The following ANO2 variants were observed in gnomAD, a reference collection of about 807,000 sequenced individuals.
ANO2 encodes the protein anoctamin-2.
Under a neutral mutation model 124.2 loss-of-function variants are expected in ANO2, and 101 were observed. That is an observed-to-expected ratio of 0.81 (90% CI 0.69 to 0.96). The LOEUF is 0.96. Among genes scored for constraint, ANO2 ranks in the 40% least tolerant of loss-of-function variants. The pLI is 0.00. For synonymous variants in ANO2, 486 were observed against 482.5 expected (o/e 1.01, Z -0.09); for missense variants, 1,293 against 1,274.5 (o/e 1.01, Z -0.22).
At chr12:5,755,722 A>G (rs139669716) in intron 10 of ANO2, among the ~76,000 whole-genome samples, 204 of 152,292 alleles carry the variant, frequency 1.3e-3, no homozygotes, top group African/African-American at 4.8e-3. Flanking sequence ...ATGTCCCTAC[A>G]AAGGACATGA....
chr12:5,607,889 A>T (rs1944299086), intron 19 of ANO2, among the ~76,000 whole-genome samples: 1 of 152,202 alleles, frequency 6.6e-6, no homozygotes, highest in African/African-American at 2.4e-5. Context: ...GTAAGTTGTA[A>T]AATTATTTCA....
intron 10 of ANO2, among the ~76,000 whole-genome samples, chr12:5,759,465 T>A (rs1461581502): frequency 6.6e-6 from 1 of 151,904 alleles, no homozygotes; most frequent in Non-Finnish European, 1.5e-5. Flanking sequence ...CCTGTCCATG[T>A]CCAGTTAGGA....
intron 15 of ANO2, among the ~76,000 whole-genome samples, chr12:5,642,590 A>C (rs1946437786): frequency 6.6e-6 from 1 of 151,846 alleles, no homozygotes; most frequent in South Asian, 2.1e-4. Context: ...CCCTCTTCCC[A>C]CCCTTGCCTT....
chr12:5,772,778 A>G (rs1242118888), intron 10 of ANO2, among the ~76,000 whole-genome samples: 2 of 152,238 alleles, frequency 1.3e-5, no homozygotes, highest in African/African-American at 4.8e-5. Context: ...AATATCCCCT[A>G]ATATATAGAT....
At chr12:5,915,181 A>G (rs1423234649) in intron 3 of ANO2, among the ~76,000 whole-genome samples, 1 of 152,230 alleles carries the variant, frequency 6.6e-6, no homozygotes, top group Non-Finnish European at 1.5e-5. Context: ...ACCCATAAGC[A>G]TCTCCAACGA....
chr12:5,875,674 C>G (rs190147114), intron 3 of ANO2, among the ~76,000 whole-genome samples: 1 of 152,292 alleles, frequency 6.6e-6, no homozygotes. Context: ...CCGCTTGGCT[C>G]TCTCAGTATT....
chr12:5,568,647 A>G (rs1266199407), intron 23 of ANO2, among the ~76,000 whole-genome samples: 1 of 152,230 alleles, frequency 6.6e-6, no homozygotes, highest in East Asian at 1.9e-4. Context: ...CAAAGAGACA[A>G]TTAGCTTTAA....
chr12:5,863,395 G>T (rs1955332756), intron 3 of ANO2, among the ~76,000 whole-genome samples: 1 of 152,190 alleles, frequency 6.6e-6, no homozygotes, highest in South Asian at 2.1e-4. Flanking sequence ...TGTAAGATAG[G>T]CCCCGGGAAG....
rs405118 is a variant in ANO2, at chr12:5,682,873, G to T, written c.1546-35072C>A. On this transcript the variant is annotated intron_variant, in intron 14 of 24. Coordinates refer to ENST00000682330, the MANE Select transcript of ANO2 (RefSeq NM_001364791.2). ...AACAGATGCTCATCTGGGTGGAATG[G>T]GTAAAGCTTGATCTTATTTGGAAGC... is the stretch of plus-strand genomic sequence containing the variant. Among the ~76,000 whole-genome samples, 329 of 152,272 alleles carry T rather than the reference G, an allele frequency of 2.2e-3. 2 individuals are homozygous for T. Among genetic ancestry groups the T allele is most frequent in the African/African-American group, 7.7e-3 (318 of 41,554 alleles).
At chr12:5,575,773 G>T (rs1295407118) in intron 23 of ANO2, 61 bp downstream of exon 23, 2 of 1,548,928 alleles carry the variant, frequency 1.3e-6, no homozygotes, top group African/African-American at 2.7e-5. Flanking sequence ...GGTCGTCCCC[G>T]TAATTATTTG....
chr12:5,816,197 G>T (rs774583626), intron 7 of ANO2, among the ~76,000 whole-genome samples: 1 of 150,422 alleles, frequency 6.6e-6, no homozygotes, highest in Non-Finnish European at 1.5e-5. Flanking sequence ...AATATAAGCC[G>T]ATTCTAGTCA....
intron 16 of ANO2, among the ~76,000 whole-genome samples, chr12:5,622,803 C>T (rs576467221): frequency 1.3e-5 from 2 of 151,836 alleles, no homozygotes; most frequent in African/African-American, 4.8e-5. Context: ...GTCTCTACTA[C>T]AAATACAAAA....
chr12:5,739,198 T>C, intron 13 of ANO2, 119 bp downstream of exon 13: 1 of 974,334 alleles, frequency 1.0e-6, no homozygotes. Flanking sequence ...GCAGCCACTG[T>C]GAGATCCAGC....
chr12:5,802,164 C>G (rs1953061080), intron 9 of ANO2, among the ~76,000 whole-genome samples: 1 of 152,210 alleles, frequency 6.6e-6, no homozygotes, highest in Non-Finnish European at 1.5e-5. Context: ...CAACGGAGAG[C>G]TGACCTCAGA....
At chr12:5,909,988 T>C (rs1313047730) in intron 3 of ANO2, among the ~76,000 whole-genome samples, 1 of 152,228 alleles carries the variant, frequency 6.6e-6, no homozygotes, top group South Asian at 2.1e-4. Flanking sequence ...ACTAAATGTA[T>C]AGAAACAGAG....
At position 5,635,232 on chromosome 12, in the gene ANO2, G is replaced by A; in HGVS notation, c.1736C>T (p.Thr579Ile). 1 of 1,613,058 alleles carries A rather than the reference G, an allele frequency of 6.2e-7. No homozygotes were observed. ...RSNVRVTVTA[T>I]AVIINLVVIL... ...GACCACGAGGTTGATGATGACTGCT[G>A]TTGCTGTCACTGTCACCCGGACATT... is the stretch of plus-strand genomic sequence containing the variant. Residue 579 changes from threonine to isoleucine, a missense_variant, in exon 16 of 25, where the codon ACA (threonine) becomes ATA (isoleucine). Coordinates refer to ENST00000682330, the MANE Select transcript of ANO2 (RefSeq NM_001364791.2). This position sits in a 1 kb window ranked among gnomAD's most constrained non-coding sequence, Gnocchi z 5.2.
rs568967055 is a variant in ANO2 at position 5,633,592 on chromosome 12, A to AC, written c.1816+1559_1816+1560insG. ...CCATCAAAAAGCAAAACAAAACAAA[A>AC]AAAAAAACACGTTCTGGTCAACTCC... On this transcript the variant is annotated intron_variant, in intron 16 of 24. Coordinates refer to ENST00000682330, the MANE Select transcript of ANO2 (RefSeq NM_001364791.2). 3.5e-3 allele frequency among the ~76,000 whole-genome samples: 526 copies of AC among 152,220 alleles called. 1 individual carries two copies. Among genetic ancestry groups the AC allele is most frequent in the African/African-American group, 8.0e-3 (332 of 41,534 alleles).
chr12:5,794,815 C>T (rs907377572), intron 10 of ANO2, among the ~76,000 whole-genome samples: 12 of 152,146 alleles, frequency 7.9e-5, no homozygotes, highest in Non-Finnish European at 1.5e-4. Context: ...TGTATTGTGT[C>T]GAGCTGAATT....
In ANO2 at chr12:5,589,394, C is replaced by T. The variant is rs560917919; in HGVS notation, c.2233+10090G>A. 2.0e-5 allele frequency among the ~76,000 whole-genome samples: 3 copies of T among 152,170 alleles called. No homozygotes were observed. The South Asian group carries it at 6.2e-4, about 32-fold the overall frequency. On this transcript the variant is annotated intron_variant, in intron 20 of 24. Coordinates refer to ENST00000682330, the MANE Select transcript of ANO2 (RefSeq NM_001364791.2). ...GAGAAAGAGAAATAAGGATAACCAC[C>T]TCTCTTGATAATCCACTCACTGGAT...
Sources: gnomAD v4.1 joint callset for allele counts (sites outside exome capture counted in the v4.1 genomes callset) on GRCh38, gnomAD v4.1.1 for gene constraint, Gnocchi (gnomAD v3.1) non-coding constraint, MANE v1.5 for transcripts, NCBI Gene and HGNC (gene_info 2026-07-23, HGNC 2026-07-21) for gene names.